MEP1B: variants seen among roughly 807,000 people sequenced by gnomAD.
MEP1B encodes the protein meprin A subunit beta.
In MEP1B, 80 loss-of-function variants were observed where a neutral mutation model predicts 84.6. That is an observed-to-expected ratio of 0.95 (90% CI 0.79 to 1.14). MEP1B has a LOEUF of 1.14. MEP1B is among the 50% of genes most tolerant of loss of function. MEP1B has a pLI of 0.00. For synonymous variants in MEP1B, 273 were observed against 288.1 expected (o/e 0.95, Z 0.53); for missense variants, 766 against 855.1 (o/e 0.90, Z 1.30).
chr18:32,203,938 A>G (rs535720874), intron 6 of MEP1B, among the ~76,000 whole-genome samples: 3 of 152,206 alleles, frequency 2.0e-5, no homozygotes, highest in African/African-American at 7.2e-5. Flanking sequence ...TCGTCCCATG[A>G]CTCAAATACC....
intron 7 of MEP1B, 130 bp downstream of exon 7, chr18:32,204,490 C>A: frequency 1.3e-6 from 1 of 784,828 alleles, no homozygotes; most frequent in Non-Finnish European, 2.0e-6. Context: ...ATTCATTCAG[C>A]TTGAACTCAT....
intron 12 of MEP1B, among the ~76,000 whole-genome samples, chr18:32,215,962 A>C (rs2041083102): frequency 8.4e-6 from 1 of 119,386 alleles, no homozygotes; most frequent in Non-Finnish European, 1.8e-5. Context: ...ACATGCATAC[A>C]TATATGCATA....
rs34535020 is a variant in MEP1B, at chr18:32,206,430, CTTT to C, written c.548-807_548-805del. On this transcript the variant is annotated intron_variant, in intron 7 of 14. Transcript: ENST00000269202. ...CAATGCCCTGACTGGTTCAACAACACTTTTTTTTTTTTTTTTTGAGACAGAGTC... is the reference window on the plus strand; with the variant it reads ...CAATGCCCTGACTGGTTCAACAACACTTTTTTTTTTTTTTGAGACAGAGTC... Among the ~76,000 whole-genome samples, 677 of 133,700 alleles carry C rather than the reference CTTT, an allele frequency of 5.1e-3. 6 individuals are homozygous for C. Among genetic ancestry groups the C allele is most frequent in the Non-Finnish European group, 7.5e-3 (464 of 62,006 alleles). 87.7% of individuals were successfully genotyped at this position (133,700 alleles called of 152,430 possible). A position where few individuals can be genotyped will look rare whatever the true frequency, so the allele number is the denominator to read the frequency against.
rs117814773 is a variant in MEP1B at position 32,199,118 on chromosome 18, C to T, written c.250+3633C>T. Among the ~76,000 whole-genome samples the T allele has an allele frequency of 9.4e-3, 1,432 of 152,198 alleles. 11 individuals carry two copies. The highest frequency in any genetic ancestry group is 0.017 in the Middle Eastern group (5 of 294). On this transcript the variant is annotated intron_variant, in intron 5 of 14. Coordinates refer to ENST00000269202, the MANE Select transcript of MEP1B (RefSeq NM_005925.3). ...ATGGTGGAAATTAGTTTTTGGCATG[C>T]AGAATTTGAAATGCATCAGAGTCAC...
chr18:32,199,286 G>T (rs1011565071), intron 5 of MEP1B, among the ~76,000 whole-genome samples: 1 of 152,202 alleles, frequency 6.6e-6, no homozygotes, highest in Admixed American at 6.5e-5. Context: ...CATAGAGCAG[G>T]TGCTCCATAG....
chr18:32,195,918 G>C (rs2144381516), intron 5 of MEP1B: 1 of 255,242 alleles, frequency 3.9e-6, no homozygotes, highest in East Asian at 1.1e-4. Flanking sequence ...CATGGAAGAA[G>C]AGGGCCTTGC....
chr18:32,216,622 T>G (rs1465749492), intron 12 of MEP1B, among the ~76,000 whole-genome samples: 4 of 152,230 alleles, frequency 2.6e-5, no homozygotes. Flanking sequence ...GGAGCCCCAG[T>G]AGGCTGGCCT....
At chr18:32,210,782 A>C in intron 10 of MEP1B, 66 bp downstream of exon 10, 1 of 1,348,150 alleles carries the variant, frequency 7.4e-7, no homozygotes, top group Non-Finnish European at 1.1e-6. Context: ...TTCTTTAGTT[A>C]ATGCAACAAT....
At chr18:32,195,280 A>G in intron 4 of MEP1B, 127 bp from the exon 5 acceptor site, 1 of 635,404 alleles carries the variant, frequency 1.6e-6, no homozygotes. Flanking sequence ...ACACACACAC[A>G]CACACACACA....
At chr18:32,210,444 A>C (rs2041013039) in intron 9 of MEP1B, 57 bp from the exon 10 acceptor site, 1 of 1,439,848 alleles carries the variant, frequency 6.9e-7, no homozygotes. Flanking sequence ...CCATTAACAA[A>C]CACACATTCC....
rs529096123 is a variant in MEP1B at position 32,205,213 on chromosome 18, T to C, written c.547+853T>C. On this transcript the variant is annotated intron_variant, in intron 7 of 14. Transcript: ENST00000269202. ...GAGTAGCTTGTAGAGTATTTGGATT[T>C]ATTGTTTCATGGAACAATTTTCAGT... Among the ~76,000 whole-genome samples, 6 of 152,370 alleles carry C rather than the reference T, an allele frequency of 3.9e-5. No individual in the cohort carries two copies. In the East Asian group the frequency reaches 1.2e-3, roughly 29 times the overall value.
intron 6 of MEP1B, among the ~76,000 whole-genome samples, chr18:32,203,554 G>A (rs1261268122): frequency 1.3e-5 from 2 of 152,108 alleles, no homozygotes; most frequent in Non-Finnish European, 1.5e-5. Context: ...TGTAATATTT[G>A]GTGTTAGGGC....
intron 12 of MEP1B, 95 bp downstream of exon 12, chr18:32,215,356 G>A (rs1433894416): frequency 2.1e-5 from 16 of 745,626 alleles, no homozygotes; most frequent in South Asian, 4.8e-5. Context: ...ACTTTTAGAT[G>A]TATTATATAG....
At chr18:32,191,689 T>C in intron 1 of MEP1B, 133 bp from the exon 2 acceptor site, 1 of 530,854 alleles carries the variant, frequency 1.9e-6, no homozygotes, top group East Asian at 3.3e-5. Flanking sequence ...CCATCCTAAA[T>C]ACATGTCAGG....
At chr18:32,191,772 C>G (rs1168674578) in intron 1 of MEP1B, 50 bp from the exon 2 acceptor site, 2 of 1,263,316 alleles carry the variant, frequency 1.6e-6, no homozygotes, top group Non-Finnish European at 2.2e-6. Flanking sequence ...CCAAGAAGAC[C>G]ATTCCTGGGC....
chr18:32,196,553 G>A lies in MEP1B; in HGVS notation c.250+1068G>A. 4.3e-6 allele frequency: 3 copies of A among 703,830 alleles called. No individual in the cohort carries two copies. The highest frequency in any genetic ancestry group is 7.8e-6 in the Non-Finnish European group (3 of 383,032). The allele number at this position is 703,830 out of a possible 1,614,324, so 43.6% of individuals were successfully genotyped here. A position where few individuals can be genotyped will look rare whatever the true frequency, so the allele number is the denominator to read the frequency against. ...CCACCTTGAGAGCTTTGGGCCCTTG[G>A]TACTTGGTGCTGACGGCCAGCGCGT... On this transcript the variant is annotated intron_variant, in intron 5 of 14. Transcript: ENST00000269202. This position sits in a 1 kb window ranked among gnomAD's most constrained non-coding sequence, Gnocchi z 4.4.
At chr18:32,216,001 T>TGC (rs2041085855) in intron 12 of MEP1B, among the ~76,000 whole-genome samples, 1 of 111,878 alleles carries the variant, frequency 8.9e-6, no homozygotes, top group African/African-American at 5.0e-5. Flanking sequence ...TATATATATA[T>TGC]ATATATATAT....
intron 5 of MEP1B, among the ~76,000 whole-genome samples, chr18:32,201,001 G>C (rs966427401): frequency 6.6e-6 from 1 of 152,112 alleles, no homozygotes; most frequent in Non-Finnish European, 1.5e-5. Context: ...ATAACGCAAG[G>C]TTAACTAAGG....
At chr18:32,192,624 G>T (rs530833866) in intron 2 of MEP1B, 22 bp from the exon 3 acceptor site, 195 of 1,600,568 alleles carry the variant, frequency 1.2e-4, no homozygotes, top group Admixed American at 2.3e-4. Context: ...TCAATTTTTT[G>T]TTGTTGTTGT....
Sources: gnomAD v4.1 joint callset for allele counts (sites outside exome capture counted in the v4.1 genomes callset) on GRCh38, gnomAD v4.1.1 for gene constraint, Gnocchi (gnomAD v3.1) non-coding constraint, MANE v1.5 for transcripts, NCBI Gene and HGNC (gene_info 2026-07-23, HGNC 2026-07-21) for gene names.